CFTR: variants seen among roughly 807,000 people sequenced by gnomAD.
CFTR encodes cystic fibrosis transmembrane conductance regulator.
A neutral mutation model predicts 171.6 loss-of-function variants in CFTR; 181 were observed. That is an observed-to-expected ratio of 1.05 (90% CI 0.93 to 1.19). CFTR has a LOEUF of 1.19. CFTR is among the 50% of genes most tolerant of loss of function. The pLI, the probability that CFTR is intolerant of heterozygous loss-of-function variation, is 0.00. For missense variants in CFTR, 1,968 were observed against 1,734.7 expected (o/e 1.13, Z -2.39); for synonymous variants, 583 against 608.0 (o/e 0.96, Z 0.60).
chr7:117,603,636 G>C lies in CFTR; in HGVS notation c.2762G>C (p.Gly921Ala). The C allele has an allele frequency of 6.2e-7, 1 of 1,614,056 alleles. No individual in the cohort carries two copies. Among genetic ancestry groups the C allele is most frequent in the East Asian group, 2.2e-5 (1 of 44,880 alleles). The stretch of plus-strand genomic sequence containing the variant: ...TATTATGTGTTTTACATTTACGTGG[G>C]AGTAGCCGACACTTTGCTTGCTATG... ...SSYYVFYIYV[G>A]VADTLLAMGF... The change falls in exon 17 of 27, where the codon GGA becomes GCA. Residue 921 changes from glycine to alanine, a missense_variant. Coordinates refer to ENST00000003084, the MANE Select transcript of CFTR (RefSeq NM_000492.4).
intron 11 of CFTR, among the ~76,000 whole-genome samples, chr7:117,579,849 C>G (rs1462717874): frequency 6.6e-6 from 1 of 151,656 alleles, no homozygotes; most frequent in Non-Finnish European, 1.5e-5. Flanking sequence ...ATAAATCATG[C>G]TTGCTATTCA....
chr7:117,612,050 T>TATATATAC (rs1792413917), intron 20 of CFTR, among the ~76,000 whole-genome samples: 1 of 74,288 alleles, frequency 1.3e-5, no homozygotes, highest in Non-Finnish European at 2.7e-5. Flanking sequence ...TATATATATA[T>TATATATAC]ATACATATAT....
intron 3 of CFTR, among the ~76,000 whole-genome samples, chr7:117,514,439 G>A (rs925015896): frequency 2.0e-5 from 3 of 152,132 alleles, no homozygotes; most frequent in Non-Finnish European, 4.4e-5. Context: ...TTAATTTGCT[G>A]AGGATGATAG....
At chr7:117,563,050 GAT>G (rs1194755090) in intron 11 of CFTR, among the ~76,000 whole-genome samples, 1 of 152,126 alleles carries the variant, frequency 6.6e-6, no homozygotes. Flanking sequence ...TGGAAATGTA[GAT>G]ATATCACTGA....
At chr7:117,637,464 C>T (rs1792843853) in intron 22 of CFTR, among the ~76,000 whole-genome samples, 1 of 152,080 alleles carries the variant, frequency 6.6e-6, no homozygotes, top group Non-Finnish European at 1.5e-5. Flanking sequence ...GACATAGTGA[C>T]TAGTGTGAGC....
rs121908812 is a variant in CFTR at position 117,592,177 on chromosome 7, AT to A, written c.2012del (p.Leu671Ter). 6.2e-6 allele frequency: 10 copies of A among 1,613,874 alleles called. No individual in the cohort carries two copies. The highest frequency in any genetic ancestry group is 8.5e-6 in the Non-Finnish European group (10 of 1,180,028). On this transcript the variant is annotated frameshift_variant, in exon 14 of 27. Transcript: ENST00000003084. LOFTEE classifies it high-confidence loss of function. ...ILTETLHRFSLEGDAPVSWTE... is the reference protein window; with the variant it reads ...ILTETLHRFSXEGDAPVSWTE... ...TAACTGAGACCTTACACCGTTTCTC[AT>A]TAGAAGGAGATGCTCCTGTCTCCTG... is the stretch of plus-strand genomic sequence containing the variant.
At chr7:117,665,741 C>T (rs1399827947) in intron 26 of CFTR, among the ~76,000 whole-genome samples, 177 bp downstream of exon 26, 3 of 152,128 alleles carry the variant, frequency 2.0e-5, no homozygotes, top group Non-Finnish European at 4.4e-5. Flanking sequence ...TTGATCTGAG[C>T]CATGTGGTGA....
chr7:117,614,244 C>T (rs7778541), intron 20 of CFTR, among the ~76,000 whole-genome samples: 2 of 152,008 alleles, frequency 1.3e-5, no homozygotes, highest in South Asian at 4.1e-4. Flanking sequence ...TACAGGATCT[C>T]TTTTCCCCAT....
chr7:117,610,395 T>TA (rs983009951), intron 18 of CFTR, 124 bp from the exon 19 acceptor site: 11 of 778,606 alleles, frequency 1.4e-5, no homozygotes, highest in Non-Finnish European at 2.3e-5. Context: ...ATAAAAAAAA[T>TA]AAAAAAAAGT....
chr7:117,586,256 T>C (rs1250295294), intron 11 of CFTR: 1 of 152,148 alleles, frequency 6.6e-6, no homozygotes, highest in Admixed American at 6.6e-5. Flanking sequence ...TAAAGACCTA[T>C]GTTTTACATG....
chr7:117,551,694 A>G (rs1289125896), intron 10 of CFTR, among the ~76,000 whole-genome samples: 1 of 152,250 alleles, frequency 6.6e-6, no homozygotes, highest in Non-Finnish European at 1.5e-5. Context: ...TCTTGCGCTT[A>G]TGAAACTTCC....
intron 1 of CFTR, 122 bp from the exon 2 acceptor site, chr7:117,504,131 T>C (rs1029539318): frequency 2.3e-5 from 16 of 710,910 alleles, no homozygotes; most frequent in Non-Finnish European, 3.6e-5. Flanking sequence ...ATTGACTTAT[T>C]TTATTCTCAT....
Position 117,535,137 on chromosome 7 carries a change from A to G in CFTR, c.580-111A>G. The G allele has an allele frequency of 2.4e-5, 27 of 1,119,592 alleles. No individual in the cohort carries two copies. The South Asian group carries it at 3.1e-4, about 13-fold the overall frequency. The allele number at this position is 1,119,592 out of a possible 1,614,324, so 69.4% of individuals were successfully genotyped here. Reference sequence around the variant, plus strand: ...GATTTTAGTGTGCTCAGAACCACGAAGTGTTTGATCATATAAGCTCCTTTT... The same window carrying G: ...GATTTTAGTGTGCTCAGAACCACGAGGTGTTTGATCATATAAGCTCCTTTT... On this transcript the variant is annotated intron_variant, in intron 5 of 26. Transcript: ENST00000003084.
At chr7:117,490,221 T>A (rs1427480491) in intron 1 of CFTR, among the ~76,000 whole-genome samples, 1 of 151,856 alleles carries the variant, frequency 6.6e-6, no homozygotes, top group African/African-American at 2.4e-5. Context: ...TCCTTATCTT[T>A]ACATGGCACA....
At position 117,665,524 on chromosome 7, in the gene CFTR, A is replaced by G. The variant is rs397508697; in HGVS notation, c.4202A>G (p.Glu1401Gly). Residue 1401 changes from glutamate to glycine, a missense_variant, in exon 26 of 27, where the codon GAA (glutamate) becomes GGA (glycine). Glu to Gly is a moderately conservative substitution (Grantham distance 98). Transcript: ENST00000003084. ...GCTGATTGCACAGTAATTCTCTGTG[A>G]ACACAGGATAGAAGCAATGCTGGAA... is the stretch of plus-strand genomic sequence containing the variant. ...AFADCTVILC[E>G]HRIEAMLECQ... 6.2e-6 allele frequency: 10 copies of G among 1,613,384 alleles called. No individual in the cohort carries two copies. Among genetic ancestry groups the G allele is most frequent in the Middle Eastern group, 1.7e-4 (1 of 6,054 alleles).
At chr7:117,626,352 G>A (rs1792649487) in intron 21 of CFTR, among the ~76,000 whole-genome samples, 1 of 152,070 alleles carries the variant, frequency 6.6e-6, no homozygotes, top group African/African-American at 2.4e-5. Flanking sequence ...AATAACAGAA[G>A]CAAATACACT....
chr7:117,561,612 G>C (rs1799466067), intron 11 of CFTR, among the ~76,000 whole-genome samples: 1 of 152,080 alleles, frequency 6.6e-6, no homozygotes, highest in African/African-American at 2.4e-5. Flanking sequence ...AGAAGAATAA[G>C]GTAAGGAATC....
At position 117,548,684 on chromosome 7, in the gene CFTR, A is replaced by G. The variant is rs397508185; in HGVS notation, c.1253A>G (p.Asn418Ser). 102 of 1,613,350 alleles carry G rather than the reference A, an allele frequency of 6.3e-5. No homozygotes were observed. The highest frequency in any genetic ancestry group is 1.6e-4 in the Middle Eastern group (1 of 6,076). Residue 418 changes from asparagine (N) to serine (S), a missense_variant, in exon 10 of 27, where the codon AAT becomes AGT. Coordinates refer to ENST00000003084, the MANE Select transcript of CFTR (RefSeq NM_000492.4). ...GAGAAAGCAAAACAAAACAATAACA[A>G]TAGAAAAACTTCTAATGGTGATGAC... ...LFEKAKQNNNNRKTSNGDDSL... is the reference protein window; with the variant it reads ...LFEKAKQNNNSRKTSNGDDSL...
chr7:117,584,317 A>C (rs919828202), intron 11 of CFTR, among the ~76,000 whole-genome samples: 2 of 152,134 alleles, frequency 1.3e-5, no homozygotes, highest in African/African-American at 4.8e-5. Context: ...CTTAGATTTA[A>C]GTCTTTGATT....
Sources: allele counts gnomAD v4.1 joint callset (sites outside exome capture counted in the v4.1 genomes callset), GRCh38; gene constraint gnomAD v4.1.1; transcripts MANE v1.5; gene names NCBI Gene and HGNC (gene_info 2026-07-23, HGNC 2026-07-21).